ADGRL2: variants seen among roughly 807,000 people sequenced by gnomAD.
ADGRL2 encodes adhesion G protein-coupled receptor L2, also known as calcium-independent alpha-latrotoxin receptor 2.
A neutral mutation model predicts 157.4 loss-of-function variants in ADGRL2; 44 were observed. That is an observed-to-expected ratio of 0.28 (90% CI 0.22 to 0.36). The LOEUF (loss-of-function observed/expected upper bound fraction) is 0.36, where lower values mean the gene tolerates loss of function less well. Among genes scored for constraint, ADGRL2 ranks in the 10% least tolerant of loss-of-function variants. The pLI, the probability that ADGRL2 is intolerant of heterozygous loss-of-function variation, is 1.00. For synonymous variants in ADGRL2, 585 were observed against 624.7 expected (o/e 0.94, Z 0.95); for missense variants, 1,510 against 1,768.9 (o/e 0.85, Z 2.63).
chr1:81,371,579 T>G lies in ADGRL2; in HGVS notation c.-302+65070T>G, dbSNP rs189949261. 2.0e-5 allele frequency among the ~76,000 whole-genome samples: 3 copies of G among 152,338 alleles called. No individual in the cohort carries two copies. The East Asian group carries it at 5.8e-4, about 29-fold the overall frequency. The stretch of plus-strand genomic sequence containing the variant: ...GGACAAGTATTCCATAATTAATCAT[T>G]TATCTTCCTTGTAAATGAAACTTTG... On this transcript the variant is annotated intron_variant, in intron 1 of 24. Coordinates refer to the ADGRL2 transcript ENST00000370721.
intron 1 of ADGRL2, among the ~76,000 whole-genome samples, chr1:81,755,074 T>C (rs1432300593): frequency 6.7e-6 from 1 of 149,908 alleles, no homozygotes; most frequent in Non-Finnish European, 1.5e-5. Flanking sequence ...TACTGGTACA[T>C]ACCCAACACA....
intron 3 of ADGRL2, among the ~76,000 whole-genome samples, chr1:81,665,192 A>G (rs775191587): frequency 8.5e-5 from 13 of 152,166 alleles, no homozygotes; most frequent in Non-Finnish European, 1.8e-4. Context: ...TAGAATTAGT[A>G]GAGTTTGCCA....
chr1:81,971,998 G>A (rs41292976), intron 17 of ADGRL2, 80 bp downstream of exon 17: 253,257 of 864,216 alleles, frequency 0.29, 38,594 homozygotes, highest in Admixed American at 0.31. Context: ...TTGTTTTATT[G>A]TTTGTTTATC....
At chr1:81,677,363 G>A (rs1307409207) in intron 3 of ADGRL2, among the ~76,000 whole-genome samples, 3 of 152,168 alleles carry the variant, frequency 2.0e-5, no homozygotes. Context: ...CTGGACTACT[G>A]TCTTAACTTT....
At chr1:81,426,018 C>A (rs2077207996) in intron 1 of ADGRL2, among the ~76,000 whole-genome samples, 1 of 152,080 alleles carries the variant, frequency 6.6e-6, no homozygotes, top group Admixed American at 6.6e-5. Context: ...AGGCATGCAC[C>A]ACCACACCCA....
chr1:81,537,706 C>CT (rs917229833), intron 2 of ADGRL2, among the ~76,000 whole-genome samples: 25 of 144,274 alleles, frequency 1.7e-4, no homozygotes, highest in Non-Finnish European at 1.5e-4. Flanking sequence ...CTTTTTCTCT[C>CT]TTTTTTTTTT....
chr1:81,390,480 G>T (rs1312189106), intron 1 of ADGRL2, among the ~76,000 whole-genome samples: 1 of 152,306 alleles, frequency 6.6e-6, no homozygotes, highest in African/African-American at 2.4e-5. Context: ...GTATAGATAT[G>T]CAATTTCAAT....
At chr1:81,788,526 C>A (rs543424705) in intron 2 of ADGRL2, among the ~76,000 whole-genome samples, 1 of 152,286 alleles carries the variant, frequency 6.6e-6, no homozygotes, top group East Asian at 1.9e-4. Flanking sequence ...TCTGAAGAAA[C>A]ATGAGCCAAA....
chr1:81,856,388 GCTT>G lies in ADGRL2; in HGVS notation c.73+19338_73+19340del, dbSNP rs537020875. ...TCTTGAGAACAAGAGAAACGTATGG[GCTT>G]CTTCTTTTTGTATGAAGCCACAGCC... On this transcript the variant is annotated intron_variant, in intron 2 of 23. Coordinates refer to ENST00000686636, the MANE Select transcript of ADGRL2 (RefSeq NM_001366006.2). Among the ~76,000 whole-genome samples, 87 of 152,196 alleles carry G rather than the reference GCTT, an allele frequency of 5.7e-4. 3 individuals are homozygous for G. In the South Asian group the frequency reaches 0.015, roughly 25 times the overall value.
intron 1 of ADGRL2, among the ~76,000 whole-genome samples, chr1:81,423,842 T>C (rs1183781460): frequency 1.3e-5 from 2 of 152,110 alleles, no homozygotes; most frequent in South Asian, 4.1e-4. Flanking sequence ...AAAGGTTAAA[T>C]TGCTCTTTTT....
intron 2 of ADGRL2, among the ~76,000 whole-genome samples, chr1:81,464,808 A>T (rs934330282): frequency 1.3e-5 from 2 of 152,166 alleles, no homozygotes; most frequent in Non-Finnish European, 2.9e-5. Context: ...GGGGTGGCAT[A>T]TAATTACTGC....
chr1:81,527,871 T>C (rs1029242449), intron 2 of ADGRL2, among the ~76,000 whole-genome samples: 4 of 151,568 alleles, frequency 2.6e-5, no homozygotes, highest in Non-Finnish European at 5.9e-5. Context: ...ATCGAGACCA[T>C]CCTGGCTAAC....
chr1:81,799,114 T>C (rs2087741267), upstream of ADGRL2, among the ~76,000 whole-genome samples: 1 of 152,210 alleles, frequency 6.6e-6, no homozygotes, highest in Non-Finnish European at 1.5e-5. Flanking sequence ...TTTCAACGAC[T>C]TGAAGTAGCC....
At chr1:81,694,455 A>G (rs1201384601) in intron 3 of ADGRL2, among the ~76,000 whole-genome samples, 1 of 152,010 alleles carries the variant, frequency 6.6e-6, no homozygotes, top group Non-Finnish European at 1.5e-5. Flanking sequence ...GTAATAAAAA[A>G]ATTAGTGATT....
At chr1:81,526,705 T>C (rs2079465774) in intron 2 of ADGRL2, among the ~76,000 whole-genome samples, 1 of 152,234 alleles carries the variant, frequency 6.6e-6, no homozygotes, top group African/African-American at 2.4e-5. Flanking sequence ...AAAAACAGTT[T>C]CTACTTATGT....
At chr1:81,872,204 T>G (rs1003004750) in intron 2 of ADGRL2, among the ~76,000 whole-genome samples, 1 of 152,136 alleles carries the variant, frequency 6.6e-6, no homozygotes, top group Admixed American at 6.6e-5. Context: ...TTTCTCCATT[T>G]CTTGTTTTTG....
At chr1:81,946,641 A>G (rs575731917) in intron 6 of ADGRL2, among the ~76,000 whole-genome samples, 7 of 152,270 alleles carry the variant, frequency 4.6e-5, no homozygotes, top group Non-Finnish European at 8.8e-5. Flanking sequence ...ATGATGTGAT[A>G]CACTTCTGTA....
At chr1:81,419,435 T>A (rs1197641497) in intron 1 of ADGRL2, among the ~76,000 whole-genome samples, 1 of 152,212 alleles carries the variant, frequency 6.6e-6, no homozygotes. Context: ...CTCGAACTCC[T>A]GACCTCAAGT....
chr1:81,835,317 C>G (rs960725015), intron 1 of ADGRL2, among the ~76,000 whole-genome samples: 49 of 152,112 alleles, frequency 3.2e-4, no homozygotes, highest in African/African-American at 1.1e-3. Flanking sequence ...ATTGCTTGAT[C>G]AGATCATCGA....
Sources: allele counts gnomAD v4.1 joint callset (sites outside exome capture counted in the v4.1 genomes callset), GRCh38; gene constraint gnomAD v4.1.1; transcripts MANE v1.5; gene names NCBI Gene and HGNC (gene_info 2026-07-23, HGNC 2026-07-21).